SEL1L: variants seen among roughly 807,000 people sequenced by gnomAD.
SEL1L encodes protein sel-1 homolog 1.
A neutral mutation model predicts 109.8 loss-of-function variants in SEL1L; 52 were observed. The observed-to-expected ratio is 0.47, with a 90% CI of 0.38 to 0.60. The LOEUF (loss-of-function observed/expected upper bound fraction) is 0.60. Ranked by LOEUF, SEL1L falls within the 20% of genes least tolerant of loss-of-function variation. SEL1L has a pLI of 0.00. For synonymous variants in SEL1L, 373 were observed against 339.6 expected (o/e 1.10, Z -1.08); for missense variants, 749 against 962.2 (o/e 0.78, Z 2.93).
chr14:81,504,149 T>C, intron 5 of SEL1L, 52 bp downstream of exon 5: 6 of 1,083,586 alleles, frequency 5.5e-6, no homozygotes, highest in Non-Finnish European at 6.6e-6. Flanking sequence ...TTGCTATTTG[T>C]CTCAGTAATG....
intron 19 of SEL1L, among the ~76,000 whole-genome samples, chr14:81,482,198 T>C (rs1358241750): frequency 1.3e-5 from 2 of 152,208 alleles, no homozygotes; most frequent in Non-Finnish European, 2.9e-5. Context: ...ATTTCTATTA[T>C]TAGCTATACA....
chr14:81,512,091 G>A (rs1039234949), intron 3 of SEL1L, among the ~76,000 whole-genome samples: 2 of 152,174 alleles, frequency 1.3e-5, no homozygotes, highest in Non-Finnish European at 2.9e-5. Flanking sequence ...GGGCCATAGT[G>A]CCCAGATATT....
intron 4 of SEL1L, 32 bp downstream of exon 4, chr14:81,506,042 T>G (rs1189246554): frequency 6.2e-7 from 1 of 1,605,760 alleles, no homozygotes; most frequent in Non-Finnish European, 8.5e-7. Context: ...CATAAAGCAA[T>G]GCAGATCTGC....
intron 3 of SEL1L, among the ~76,000 whole-genome samples, chr14:81,515,712 C>G (rs1296319694): frequency 6.6e-6 from 1 of 152,190 alleles, no homozygotes; most frequent in Admixed American, 6.5e-5. Flanking sequence ...CCCCTGTCAC[C>G]TGACTCACTT....
intron 17 of SEL1L, 72 bp downstream of exon 17, chr14:81,486,217 G>T: frequency 7.2e-7 from 1 of 1,391,782 alleles, no homozygotes; most frequent in South Asian, 1.4e-5. Flanking sequence ...TTTTCTTTTT[G>T]AATACATTAA....
chr14:81,531,099 T>C (rs1046638729), intron 1 of SEL1L, among the ~76,000 whole-genome samples: 7 of 152,198 alleles, frequency 4.6e-5, no homozygotes, highest in Admixed American at 1.3e-4. Context: ...CTATACACTA[T>C]TGTAAACACT....
At chr14:81,479,890 G>A (rs1485701698) in intron 19 of SEL1L, 150 bp from the exon 20 acceptor site, 19 of 686,732 alleles carry the variant, frequency 2.8e-5, no homozygotes, top group East Asian at 6.1e-5. Context: ...GCTTTACTTG[G>A]GTAAAATTCG....
At chr14:81,492,367 A>G in intron 12 of SEL1L, 113 bp downstream of exon 12, 1 of 804,334 alleles carries the variant, frequency 1.2e-6, no homozygotes, top group East Asian at 2.7e-5. Flanking sequence ...GTCTTGCACT[A>G]GAAATCTTAT....
chr14:81,487,247 G>A (rs147112745), intron 16 of SEL1L, 143 bp downstream of exon 16: 17 of 651,406 alleles, frequency 2.6e-5, no homozygotes, highest in African/African-American at 1.1e-4. Flanking sequence ...CAGACCCCTC[G>A]GTCTTCCCTC....
rs1174918452 is a variant in SEL1L, at chr14:81,498,061, T to C, written c.974-15A>G. The C allele has an allele frequency of 6.2e-7, 1 of 1,606,298 alleles. No homozygotes were observed. Among genetic ancestry groups the C allele is most frequent in the South Asian group, 1.1e-5 (1 of 89,586 alleles). ...ATCACTAGCAACTGAAATAGAGGGA[T>C]AAAACAATAAGGTGGAGGAAAATCA... On this transcript the variant is annotated splice_polypyrimidine_tract_variant and intron_variant, in intron 9 of 20. Coordinates refer to ENST00000336735, the MANE Select transcript of SEL1L (RefSeq NM_005065.6).
intron 3 of SEL1L, among the ~76,000 whole-genome samples, chr14:81,520,170 A>G (rs1566625183): frequency 1.3e-5 from 2 of 152,236 alleles, no homozygotes; most frequent in Admixed American, 1.3e-4. Flanking sequence ...TATGCAATTT[A>G]TGTCATATAT....
In SEL1L at chr14:81,506,055, C is replaced by T. The variant is rs1307449463; in HGVS notation, c.508+19G>A. The T allele has an allele frequency of 6.2e-7, 1 of 1,610,782 alleles. No homozygotes were observed. The highest frequency in any genetic ancestry group is 1.3e-5 in the African/African-American group (1 of 74,754). On this transcript the variant is annotated intron_variant, in intron 4 of 20. Transcript: ENST00000336735. ...GACATAAAGCAATGCAGATCTGCCT[C>T]CTACTGAGCAATACTTACTTTCACA...
chr14:81,519,809 G>A (rs573925198), intron 3 of SEL1L, among the ~76,000 whole-genome samples: 9 of 152,334 alleles, frequency 5.9e-5, no homozygotes, highest in African/African-American at 1.7e-4. Flanking sequence ...GCAAAGGAAT[G>A]AGGAAGGCAT....
Position 81,489,296 on chromosome 14 carries a change from T to C in SEL1L, c.1351A>G (p.Ser451Gly), listed in dbSNP as rs753007120. The part of the protein sequence containing the change: ...AADMGNPVGQ[S>G]GLGMAYLYGR... ...TAGAGGTAGGCCATTCCAAGCCCAC[T>C]CTGTCCAACTGGGTTGCCCTGCAAA... Residue 451 changes from serine (S) to glycine (G), a missense_variant, in exon 14 of 21, where the codon AGT becomes GGT. Physicochemically the swap from Ser to Gly is moderately conservative, Grantham distance 56. Around this residue, in one of 2 missense-constraint regions of SEL1L, gnomAD observed 383 missense variants for 562.5 expected, o/e 0.68. Coordinates refer to ENST00000336735, the MANE Select transcript of SEL1L (RefSeq NM_005065.6). The C allele has an allele frequency of 2.5e-6, 4 of 1,614,124 alleles. No homozygotes were observed. The East Asian group carries it at 8.9e-5, about 36-fold the overall frequency.
chr14:81,516,821 G>A (rs1317506622), intron 3 of SEL1L, among the ~76,000 whole-genome samples: 1 of 152,160 alleles, frequency 6.6e-6, no homozygotes, highest in African/African-American at 2.4e-5. Context: ...AAGTGATCCT[G>A]CATCAGTTCT....
intron 1 of SEL1L, among the ~76,000 whole-genome samples, chr14:81,531,551 TG>T (rs201917692): frequency 0.023 from 3,511 of 152,158 alleles, 63 homozygotes; most frequent in Middle Eastern, 0.072. Context: ...AACACAGGGT[TG>T]TTTTTTTTTC....
At chr14:81,506,333 A>G (rs1884237652) in intron 3 of SEL1L, 92 bp from the exon 4 acceptor site, 3 of 1,105,000 alleles carry the variant, frequency 2.7e-6, no homozygotes, top group Non-Finnish European at 2.5e-6. Context: ...TGGAATTTGA[A>G]GCAAAGATTC....
At chr14:81,511,359 A>C (rs934508595) in intron 3 of SEL1L, among the ~76,000 whole-genome samples, 1 of 152,248 alleles carries the variant, frequency 6.6e-6, no homozygotes, top group African/African-American at 2.4e-5. Context: ...TAAAGTGGCA[A>C]ACTTCATATT....
rs758981227 is a variant in SEL1L, at chr14:81,486,426, C to T, written c.1661G>A (p.Arg554His). 1.1e-5 allele frequency: 18 copies of T among 1,613,822 alleles called. No homozygotes were observed. Among genetic ancestry groups the T allele is most frequent in the Admixed American group, 5.0e-5 (3 of 59,976 alleles). ...ELFKNVCERG[R>H]WSERLMTAYN... ...GGCAGTCATAAGCCTTTCAGACCAA[C>T]GGCCTCGTTCACATACATTCTTAAA... Residue 554 changes from arginine to histidine, a missense_variant, in exon 17 of 21, where the codon CGT becomes CAT. By Grantham distance (29) the Arg-to-His change is conservative (BLOSUM62 0). Around this residue, in one of 2 missense-constraint regions of SEL1L, gnomAD observed 383 missense variants for 562.5 expected, o/e 0.68. Coordinates refer to ENST00000336735, the MANE Select transcript of SEL1L (RefSeq NM_005065.6).
Sources: allele counts gnomAD v4.1 joint callset (sites outside exome capture counted in the v4.1 genomes callset), GRCh38; gene constraint gnomAD v4.1.1; regional missense constraint gnomAD v4.1.1; transcripts MANE v1.5; gene names NCBI Gene and HGNC (gene_info 2026-07-23, HGNC 2026-07-21).